Variants in ATP6V0A1 observed in about 807,000 individuals in gnomAD.
ATP6V0A1 encodes V-type proton ATPase 116 kDa subunit a 1.
In ATP6V0A1, 43 loss-of-function variants were observed where a neutral mutation model predicts 105.4. That is an observed-to-expected ratio of 0.41 (90% confidence interval 0.32 to 0.53). The LOEUF is 0.53. Among genes scored for constraint, ATP6V0A1 ranks in the 20% least tolerant of loss-of-function variants. The pLI is 0.30. For synonymous variants in ATP6V0A1, 362 were observed against 372.8 expected, an observed-to-expected ratio of 0.97 and a Z score of 0.33; for missense variants, 676 against 1,051.1, an observed-to-expected ratio of 0.64 and a Z score of 4.93.
chr17:42,490,738 G>A, intron 11 of ATP6V0A1, 101 bp downstream of exon 11: 1 of 1,299,140 alleles, frequency 7.7e-7, no homozygotes, highest in South Asian at 1.5e-5. Context: ...ACCCAGGCTG[G>A]AGTGCAGCAG....
chr17:42,499,868 T>A (rs897263444), intron 15 of ATP6V0A1, among the ~76,000 whole-genome samples: 5 of 152,128 alleles, frequency 3.3e-5, no homozygotes, highest in Non-Finnish European at 4.4e-5. Flanking sequence ...TAAAGATCCT[T>A]GAAAAAAACT....
Position 42,495,129 on chromosome 17 carries a change from G to A in ATP6V0A1, c.1410G>A (p.Lys470=), listed in dbSNP as rs2091032594. The A allele has an allele frequency of 1.2e-6, 2 of 1,613,966 alleles. No homozygotes were observed. The highest frequency in any genetic ancestry group is 1.3e-5 in the African/African-American group (1 of 74,936). Residue 470 remains lysine (K), a synonymous_variant, in exon 13 of 22, where the codon AAG becomes AAA. Transcript: ENST00000343619. ...TGLIYNDCFS[K]SLNIFGSSWS... is the part of the protein sequence containing the mutation. ...TCATCTACAATGATTGCTTTTCCAAGTCTCTTAATATCTTTGGGTCATCCT... is the reference window on the plus strand; with the variant it reads ...TCATCTACAATGATTGCTTTTCCAAATCTCTTAATATCTTTGGGTCATCCT...
At chr17:42,496,013 A>C (rs2091129730) in intron 14 of ATP6V0A1, 1 of 222,428 alleles carries the variant, frequency 4.5e-6, no homozygotes, top group Non-Finnish European at 8.9e-6. Context: ...CAGAGGTTGC[A>C]GTGAGCAAGC....
chr17:42,490,880 G>T (rs2090557746), intron 11 of ATP6V0A1, among the ~76,000 whole-genome samples: 1 of 151,360 alleles, frequency 6.6e-6, no homozygotes, highest in African/African-American at 2.4e-5. Flanking sequence ...ATTTTTTTTT[G>T]ACTGGGTCTC....
At chr17:42,476,202 A>G (rs1204563463) in intron 5 of ATP6V0A1, among the ~76,000 whole-genome samples, 1 of 152,200 alleles carries the variant, frequency 6.6e-6, no homozygotes, top group Non-Finnish European at 1.5e-5. Flanking sequence ...ATCTCATCTT[A>G]AACTTTTCCA....
chr17:42,482,125 G>A (rs2089590275), intron 8 of ATP6V0A1, among the ~76,000 whole-genome samples: 1 of 151,976 alleles, frequency 6.6e-6, no homozygotes, highest in Admixed American at 6.6e-5. Context: ...ACAGGTGTAA[G>A]CCACTGTGCC....
intron 2 of ATP6V0A1, among the ~76,000 whole-genome samples, chr17:42,464,776 GTGT>G (rs2086842969): frequency 6.6e-6 from 1 of 152,060 alleles, no homozygotes; most frequent in Admixed American, 6.6e-5. Context: ...CTAATAAATT[GTGT>G]TGTTCAGCTT....
In ATP6V0A1 at chr17:42,507,540, G is replaced by C; in HGVS notation, c.2025G>C (p.Gly675=). Residue 675 remains glycine, a synonymous_variant, in exon 18 of 22, where the codon GGG becomes GGC. Coordinates refer to ENST00000343619, the MANE Select transcript of ATP6V0A1 (RefSeq NM_001130021.3). ...TGTAGGGAACTCTCAACTTTGGTGG[G>C]ATCAGGGTGGGCAACGGACCGACAG... is the stretch of plus-strand genomic sequence containing the variant. ...RKHLGTLNFG[G]IRVGNGPTEE... is the part of the protein sequence containing the mutation. 1 of 1,613,076 alleles carries C rather than the reference G, an allele frequency of 6.2e-7. No individual in the cohort carries two copies. The highest frequency in any genetic ancestry group is 1.7e-4 in the Middle Eastern group (1 of 6,060).
At chr17:42,494,970 T>TAACATTGTCACAATGTGAGCTGCAGTGAG (rs2091020507) in intron 12 of ATP6V0A1, 64 bp from the exon 13 acceptor site, 1 of 1,536,142 alleles carries the variant, frequency 6.5e-7, no homozygotes, top group African/African-American at 1.4e-5. Flanking sequence ...ATATTCTGAA[T>TAACATTGTCACAATGTGAGCTGCAGTGAG]AACATTGTCA....
At chr17:42,471,200 C>T (rs1200216172) in intron 5 of ATP6V0A1, 1 of 151,416 alleles carries the variant, frequency 6.6e-6, no homozygotes, top group African/African-American at 2.4e-5. Context: ...GTGGGCGGAT[C>T]ACGAGGTCAG....
intron 11 of ATP6V0A1, among the ~76,000 whole-genome samples, chr17:42,491,505 CAG>C (rs1373852802): frequency 6.6e-6 from 1 of 150,480 alleles, no homozygotes; most frequent in African/African-American, 2.4e-5. Flanking sequence ...TTAGGTGAGA[CAG>C]AGATTTACTC....
At chr17:42,480,868 A>G in intron 8 of ATP6V0A1, 119 bp downstream of exon 8, 1 of 849,338 alleles carries the variant, frequency 1.2e-6, no homozygotes, top group South Asian at 1.9e-5. Context: ...GTTAATTTTA[A>G]TAATGTTAGG....
chr17:42,494,267 T>C, intron 11 of ATP6V0A1, 67 bp from the exon 12 acceptor site: 2 of 1,461,452 alleles, frequency 1.4e-6, no homozygotes, highest in Non-Finnish European at 1.9e-6. Flanking sequence ...TGGAAAAGAA[T>C]GTAATATTTG....
chr17:42,495,340 C>A, intron 13 of ATP6V0A1, 152 bp downstream of exon 13: 1 of 915,492 alleles, frequency 1.1e-6, no homozygotes, highest in Non-Finnish European at 1.7e-6. Flanking sequence ...GTGATTTGTT[C>A]AGCAAGTATC....
At chr17:42,471,723 G>A (rs942966533) in intron 5 of ATP6V0A1, among the ~76,000 whole-genome samples, 3 of 151,984 alleles carry the variant, frequency 2.0e-5, no homozygotes, top group Non-Finnish European at 1.5e-5. Context: ...GACAGAGCAA[G>A]ACTGTCTCAA....
At chr17:42,509,262 G>T (rs967870262) in intron 19 of ATP6V0A1, among the ~76,000 whole-genome samples, 8 of 152,068 alleles carry the variant, frequency 5.3e-5, no homozygotes, top group Non-Finnish European at 1.0e-4. Flanking sequence ...AAGCAAATTG[G>T]CTAACTGTTC....
intron 17 of ATP6V0A1, 59 bp from the exon 18 acceptor site, chr17:42,507,461 C>T (rs1054819187): frequency 7.8e-7 from 1 of 1,283,542 alleles, no homozygotes; most frequent in Non-Finnish European, 1.1e-6. Flanking sequence ...CCCTTCCCAC[C>T]TCACAGAATG....
intron 9 of ATP6V0A1, among the ~76,000 whole-genome samples, chr17:42,483,947 A>T (rs560213823): frequency 6.6e-6 from 1 of 152,052 alleles, no homozygotes; most frequent in East Asian, 1.9e-4. Context: ...TGAACTCCTG[A>T]CCTCAAGTGA....
Position 42,500,349 on chromosome 17 carries a change from G to A in ATP6V0A1, c.1680-358G>A, listed in dbSNP as rs577709770. Among the ~76,000 whole-genome samples, 484 of 152,224 alleles carry A rather than the reference G, an allele frequency of 3.2e-3. 4 individuals are homozygous for A. Among genetic ancestry groups the A allele is most frequent in the African/African-American group, 0.011 (459 of 41,530 alleles). ...GTAAAAATTAGCTGGGTGTGGTGGCGCATGCCTGTAGTCCCAGCTACTCGA... is the reference window on the plus strand; with the variant it reads ...GTAAAAATTAGCTGGGTGTGGTGGCACATGCCTGTAGTCCCAGCTACTCGA... On this transcript the variant is annotated intron_variant, in intron 15 of 21. Coordinates refer to ENST00000343619, the MANE Select transcript of ATP6V0A1 (RefSeq NM_001130021.3).
Sources: gnomAD v4.1 joint callset for allele counts (sites outside exome capture counted in the v4.1 genomes callset) on GRCh38, gnomAD v4.1.1 for gene constraint, MANE v1.5 for transcripts, NCBI Gene and HGNC (gene_info 2026-07-23, HGNC 2026-07-21) for gene names.